Variants in ADAMTSL1 observed in about 807,000 individuals in gnomAD.
ADAMTSL1 encodes the protein ADAMTS-like protein 1.
ADAMTSL1 carries 126 observed loss-of-function variants against 201.8 expected under a neutral mutation model. That is an observed-to-expected ratio of 0.62 (90% CI 0.54 to 0.72). The LOEUF is 0.72. ADAMTSL1 is among the 30% of genes least tolerant of loss of function. ADAMTSL1 has a pLI of 0.00. For synonymous variants in ADAMTSL1, 1,121 were observed against 903.4 expected (o/e 1.24, Z -4.32); for missense variants, 2,679 against 2,277.8 (o/e 1.18, Z -3.59).
At chr9:18,906,414 C>G (rs964350570) in intron 27 of ADAMTSL1, among the ~76,000 whole-genome samples, 1 of 152,192 alleles carries the variant, frequency 6.6e-6, no homozygotes, top group African/African-American at 2.4e-5. Flanking sequence ...AGACCAGGCT[C>G]TGCCGGTGTC....
At chr9:18,618,481 T>C (rs1397787482) in intron 4 of ADAMTSL1, among the ~76,000 whole-genome samples, 1 of 149,784 alleles carries the variant, frequency 6.7e-6, no homozygotes, top group Non-Finnish European at 1.5e-5. Context: ...ATAGACATGT[T>C]AATAAACTCA....
chr9:18,100,382 G>A (rs1034762263), intron 1 of ADAMTSL1, among the ~76,000 whole-genome samples: 1 of 152,158 alleles, frequency 6.6e-6, no homozygotes, highest in Non-Finnish European at 1.5e-5. Context: ...CCGGGCTCAA[G>A]CAATTCTCCT....
intron 2 of ADAMTSL1, among the ~76,000 whole-genome samples, chr9:18,165,542 C>T (rs1297681173): frequency 6.6e-6 from 1 of 151,756 alleles, no homozygotes; most frequent in East Asian, 1.9e-4. Context: ...TTTATAATTA[C>T]CTTTTAATAG....
intron 1 of ADAMTSL1, among the ~76,000 whole-genome samples, chr9:17,981,953 G>A (rs938249452): frequency 2.6e-5 from 4 of 152,134 alleles, no homozygotes; most frequent in Admixed American, 2.6e-4. Flanking sequence ...GCAAGGTCAA[G>A]CAACAAAATC....
intron 2 of ADAMTSL1, among the ~76,000 whole-genome samples, chr9:18,236,569 C>G (rs185892802): frequency 6.6e-6 from 1 of 152,154 alleles, no homozygotes; most frequent in Admixed American, 6.5e-5. Context: ...TGTGTTTGTA[C>G]TTTTCATCAA....
At chr9:18,037,339 T>A (rs955086931) in intron 1 of ADAMTSL1, among the ~76,000 whole-genome samples, 8 of 152,194 alleles carry the variant, frequency 5.3e-5, no homozygotes, top group African/African-American at 1.9e-4. Context: ...TACTCTCTTC[T>A]GAGTGTCTGT....
intron 2 of ADAMTSL1, among the ~76,000 whole-genome samples, chr9:18,526,642 A>G (rs562398877): frequency 2.6e-5 from 4 of 152,224 alleles, no homozygotes; most frequent in Admixed American, 6.5e-5. Context: ...TTGTGGTAAC[A>G]AAATCTCTCA....
chr9:17,965,194 T>C (rs913440471), intron 1 of ADAMTSL1, among the ~76,000 whole-genome samples: 1 of 152,226 alleles, frequency 6.6e-6, no homozygotes, highest in Non-Finnish European at 1.5e-5. Flanking sequence ...TTTTCTGGCA[T>C]ATATTTCAAT....
At chr9:18,073,511 G>C (rs565946626) in intron 1 of ADAMTSL1, among the ~76,000 whole-genome samples, 2 of 152,272 alleles carry the variant, frequency 1.3e-5, no homozygotes, top group East Asian at 3.9e-4. Context: ...TTTGCACTTG[G>C]GGGATTGGTG....
At chr9:18,261,668 T>C (rs1294654331) in intron 2 of ADAMTSL1, among the ~76,000 whole-genome samples, 1 of 152,188 alleles carries the variant, frequency 6.6e-6, no homozygotes, top group Non-Finnish European at 1.5e-5. Flanking sequence ...CATTTATCAA[T>C]ACGTAGCCAT....
intron 4 of ADAMTSL1, among the ~76,000 whole-genome samples, chr9:18,615,298 T>A (rs921558646): frequency 6.6e-6 from 1 of 151,424 alleles, no homozygotes; most frequent in Non-Finnish European, 1.5e-5. Flanking sequence ...ATGAGAGAGG[T>A]ATGTATGCCT....
At chr9:18,414,923 A>C (rs1818607947) in intron 2 of ADAMTSL1, among the ~76,000 whole-genome samples, 1 of 152,170 alleles carries the variant, frequency 6.6e-6, no homozygotes, top group Admixed American at 6.5e-5. Context: ...CACAAACCAA[A>C]CTGGAAAACA....
At chr9:17,995,842 T>C (rs1314555305) in intron 1 of ADAMTSL1, among the ~76,000 whole-genome samples, 1 of 151,332 alleles carries the variant, frequency 6.6e-6, no homozygotes, top group African/African-American at 2.4e-5. Context: ...AGGATCCAGG[T>C]TCAAATCCTG....
At chr9:18,439,800 C>A (rs1334938790) in intron 2 of ADAMTSL1, among the ~76,000 whole-genome samples, 1 of 152,168 alleles carries the variant, frequency 6.6e-6, no homozygotes, top group Non-Finnish European at 1.5e-5. Context: ...AGTTTCTAGG[C>A]ACTTTATATT....
chr9:18,620,800 A>G (rs1017124596), intron 4 of ADAMTSL1, among the ~76,000 whole-genome samples: 9 of 152,128 alleles, frequency 5.9e-5, no homozygotes, highest in African/African-American at 2.2e-4. Flanking sequence ...ACATCTTTGC[A>G]TTTAAAAAAA....
At chr9:18,627,051 G>A (rs1385999755) in intron 5 of ADAMTSL1, among the ~76,000 whole-genome samples, 2 of 151,290 alleles carry the variant, frequency 1.3e-5, no homozygotes, top group African/African-American at 4.9e-5. Context: ...TCACAGCTCA[G>A]CTCATTGCAG....
At chr9:18,197,522 T>A (rs2132258048) in intron 2 of ADAMTSL1, among the ~76,000 whole-genome samples, 1 of 125,300 alleles carries the variant, frequency 8.0e-6, no homozygotes, top group Admixed American at 8.7e-5. Context: ...TTTTTGTACA[T>A]TGATTTTGTA....
chr9:18,255,355 G>GAA (rs5896780), intron 2 of ADAMTSL1, among the ~76,000 whole-genome samples: 17 of 145,488 alleles, frequency 1.2e-4, no homozygotes, highest in African/African-American at 3.0e-4. Context: ...CTCATACTTA[G>GAA]AAAAAAAAAA....
At chr9:18,126,315 C>T (rs926156504) in intron 1 of ADAMTSL1, among the ~76,000 whole-genome samples, 1 of 152,234 alleles carries the variant, frequency 6.6e-6, no homozygotes, top group South Asian at 2.1e-4. Context: ...CAAATTCCTT[C>T]TTACCACTAT....
Sources: allele counts gnomAD v4.1 joint callset (sites outside exome capture counted in the v4.1 genomes callset), GRCh38; gene constraint gnomAD v4.1.1; transcripts MANE v1.5; gene names NCBI Gene and HGNC (gene_info 2026-07-23, HGNC 2026-07-21).